Variants in TMEM132D observed in about 807,000 individuals in gnomAD.
TMEM132D encodes mature OL transmembrane protein.
TMEM132D carries 21 observed loss-of-function variants against 62.3 expected under a neutral mutation model. That is an observed-to-expected ratio of 0.34 (90% confidence interval 0.24 to 0.49). The LOEUF (loss-of-function observed/expected upper bound fraction) is 0.49, where lower values mean the gene tolerates loss of function less well. Among genes scored for constraint, TMEM132D ranks in the 20% least tolerant of loss-of-function variants. The probability of loss-of-function intolerance (pLI) is 0.99; values close to 1 mark genes in which losing one functional copy is unlikely to be tolerated. For missense variants in TMEM132D, 1,346 were observed against 1,402.8 expected, an observed-to-expected ratio of 0.96 and a Z score of 0.65; for synonymous variants, 621 against 575.6, an observed-to-expected ratio of 1.08 and a Z score of -1.13.
intron 2 of TMEM132D, among the ~76,000 whole-genome samples, chr12:129,625,138 C>T (rs1463080201): frequency 6.6e-6 from 1 of 152,198 alleles, no homozygotes; most frequent in Non-Finnish European, 1.5e-5. Flanking sequence ...GTCTCATTGG[C>T]TCTCCCAGGG....
intron 4 of TMEM132D, among the ~76,000 whole-genome samples, chr12:129,236,128 G>GTGTGTA (rs1555240129): frequency 1.1e-4 from 14 of 133,052 alleles, no homozygotes; most frequent in Non-Finnish European, 2.1e-4. Flanking sequence ...GTGTGTGTGT[G>GTGTGTA]TGTGTGTATG....
intron 1 of TMEM132D, chr12:129,840,042 AT>A (rs1873138191): frequency 6.6e-6 from 1 of 152,240 alleles, no homozygotes; most frequent in African/African-American, 2.4e-5. Flanking sequence ...AAATATGTGT[AT>A]TATTACACCT....
At chr12:129,592,082 T>C (rs1040324225) in intron 2 of TMEM132D, among the ~76,000 whole-genome samples, 1 of 152,226 alleles carries the variant, frequency 6.6e-6, no homozygotes, top group Non-Finnish European at 1.5e-5. Flanking sequence ...ATTTCCATTA[T>C]AAAAAGTACC....
chr12:129,142,632 G>A (rs1049874116), intron 5 of TMEM132D, among the ~76,000 whole-genome samples: 5 of 152,240 alleles, frequency 3.3e-5, no homozygotes, highest in Middle Eastern at 3.4e-3. Context: ...TATTTGTTGC[G>A]TGACTAACAC....
chr12:129,299,955 T>C (rs1881669902), intron 4 of TMEM132D, among the ~76,000 whole-genome samples: 1 of 152,242 alleles, frequency 6.6e-6, no homozygotes, highest in African/African-American at 2.4e-5. Context: ...AAATCTGATA[T>C]TATTCAAAGC....
chr12:129,720,727 G>T lies in TMEM132D; in HGVS notation c.80-20029C>A, dbSNP rs145708793. Among the ~76,000 whole-genome samples, 411 of 152,342 alleles carry T rather than the reference G, an allele frequency of 2.7e-3. 4 individuals carry two copies. Among genetic ancestry groups the T allele is most frequent in the African/African-American group, 9.2e-3 (384 of 41,576 alleles). ...AATTTCTGCCAGCAATGAACAGAGA[G>T]AATCTGCTTAACAAAGCACTGTGAT... On this transcript the variant is annotated intron_variant, in intron 1 of 8. Coordinates refer to ENST00000422113, the MANE Select transcript of TMEM132D (RefSeq NM_133448.3).
At chr12:129,531,726 T>C (rs1157699522) in intron 2 of TMEM132D, among the ~76,000 whole-genome samples, 2 of 152,172 alleles carry the variant, frequency 1.3e-5, no homozygotes, top group Non-Finnish European at 1.5e-5. Flanking sequence ...GGAACAATGA[T>C]GGCCTCAAGT....
At position 129,605,603 on chromosome 12, in the gene TMEM132D, A is replaced by ATATATATATG. The variant is rs1440290502; in HGVS notation, c.969-74399_969-74398insCATATATATA. ...AATTAGGCATTATATATATATATAT[A>ATATATATATG]TACACACACATATATATATACACAC... On this transcript the variant is annotated intron_variant, in intron 2 of 8. Coordinates refer to ENST00000422113, the MANE Select transcript of TMEM132D (RefSeq NM_133448.3). Among the ~76,000 whole-genome samples, 13 of 68,004 alleles carry ATATATATATG rather than the reference A, an allele frequency of 1.9e-4. No individual in the cohort carries two copies. In the East Asian group the frequency reaches 4.5e-3, roughly 24 times the overall value. 44.6% of individuals were successfully genotyped at this position (68,004 alleles called of 152,430 possible).
chr12:129,089,688 G>A lies in TMEM132D; in HGVS notation c.1444-4986C>T, dbSNP rs150869742. Among the ~76,000 whole-genome samples the A allele has an allele frequency of 1.9e-4, 29 of 152,224 alleles. No individual in the cohort carries two copies. The East Asian group carries it at 5.2e-3, about 27-fold the overall frequency. ...CCCCTGCTTGTTGAGCCCCTAACACGTGTCAGGGTTGGAGGCTGAACGCGC... is the reference window on the plus strand; with the variant it reads ...CCCCTGCTTGTTGAGCCCCTAACACATGTCAGGGTTGGAGGCTGAACGCGC... On this transcript the variant is annotated intron_variant, in intron 5 of 8. Transcript: ENST00000422113.
At chr12:129,662,725 G>A (rs549232674) in intron 2 of TMEM132D, among the ~76,000 whole-genome samples, 126 of 148,904 alleles carry the variant, frequency 8.5e-4, no homozygotes, top group African/African-American at 2.6e-3. Context: ...CCTGGGAGAC[G>A]GAGGTTGCAG....
At chr12:129,833,465 A>C (rs1872907652) in intron 1 of TMEM132D, among the ~76,000 whole-genome samples, 1 of 151,982 alleles carries the variant, frequency 6.6e-6, no homozygotes, top group South Asian at 2.1e-4. Flanking sequence ...AAACAAAAAC[A>C]AAAACAAAAA....
chr12:129,320,959 T>A (rs560958861), intron 4 of TMEM132D, among the ~76,000 whole-genome samples: 20 of 151,942 alleles, frequency 1.3e-4, no homozygotes, highest in Admixed American at 1.2e-3. Flanking sequence ...ACATTATTTA[T>A]ACAAATCTAT....
chr12:129,407,689 G>C (rs1871833463), intron 3 of TMEM132D, among the ~76,000 whole-genome samples: 1 of 151,894 alleles, frequency 6.6e-6, no homozygotes, highest in African/African-American at 2.4e-5. Flanking sequence ...GGCGGATCAT[G>C]AGGTCAGGAG....
At chr12:129,333,571 C>T (rs1010538795) in intron 4 of TMEM132D, among the ~76,000 whole-genome samples, 8 of 152,202 alleles carry the variant, frequency 5.3e-5, no homozygotes, top group African/African-American at 1.4e-4. Context: ...CTAAGGCGGA[C>T]GCTGCTGCTC....
intron 2 of TMEM132D, among the ~76,000 whole-genome samples, chr12:129,641,007 G>A (rs1329409572): frequency 1.3e-5 from 2 of 152,114 alleles, no homozygotes; most frequent in East Asian, 3.9e-4. Context: ...AGGAAAACAA[G>A]CTCAGGGCTC....
chr12:129,486,889 T>G (rs1416909447), intron 3 of TMEM132D, among the ~76,000 whole-genome samples: 1 of 152,122 alleles, frequency 6.6e-6, no homozygotes, highest in Admixed American at 6.6e-5. Context: ...CAAAAAAAAG[T>G]AAGTCCTTGT....
At chr12:129,475,879 C>T (rs555461170) in intron 3 of TMEM132D, among the ~76,000 whole-genome samples, 4 of 152,346 alleles carry the variant, frequency 2.6e-5, no homozygotes, top group African/African-American at 9.6e-5. Context: ...AAAATACAAT[C>T]TGACCTCGAT....
In TMEM132D at chr12:129,073,977, C is replaced by G. The variant is rs2135601471; in HGVS notation, c.3198G>C (p.Val1066=). ...ACTTAATGTCATCCTCGCTACTCAT[C>G]ACGATGGAGTTCCTGGTGGGGTACT... ...DDEYPTRNSI[V]MSSEDDIKWV... Residue 1066 remains valine, a synonymous_variant, in exon 9 of 9, where the codon GTG becomes GTC. Coordinates refer to ENST00000422113, the MANE Select transcript of TMEM132D (RefSeq NM_133448.3). The G allele has an allele frequency of 1.9e-6, 3 of 1,613,832 alleles. No individual in the cohort carries two copies. Among genetic ancestry groups the G allele is most frequent in the Non-Finnish European group, 2.5e-6 (3 of 1,179,846 alleles).
chr12:129,308,437 A>C (rs184850546), intron 4 of TMEM132D, among the ~76,000 whole-genome samples: 1 of 152,342 alleles, frequency 6.6e-6, no homozygotes, highest in East Asian at 1.9e-4. Context: ...TACGTCGTGT[A>C]CATAACTTGC....
Sources: gnomAD v4.1 joint callset for allele counts (sites outside exome capture counted in the v4.1 genomes callset) on GRCh38, gnomAD v4.1.1 for gene constraint, MANE v1.5 for transcripts, NCBI Gene and HGNC (gene_info 2026-07-23, HGNC 2026-07-21) for gene names.